ARHGAP22: variants seen among roughly 807,000 people sequenced by gnomAD.
The protein encoded by ARHGAP22 is Rho GTPase activating protein 22.
ARHGAP22 carries 48 observed loss-of-function variants against 59.1 expected under a neutral mutation model. That is an observed-to-expected ratio of 0.81 (90% CI 0.64 to 1.03). ARHGAP22 has a LOEUF of 1.03. ARHGAP22 is among the 50% of genes least tolerant of loss of function. ARHGAP22 has a pLI of 0.00. For missense variants in ARHGAP22, 1,015 were observed against 958.7 expected, an observed-to-expected ratio of 1.06 and a Z score of -0.78; for synonymous variants, 445 against 416.4, an observed-to-expected ratio of 1.07 and a Z score of -0.84.
At chr10:48,583,296 T>G (rs985523267) in intron 1 of ARHGAP22, 144 bp from the exon 2 acceptor site, 1 of 956,516 alleles carries the variant, frequency 1.0e-6, no homozygotes, top group Non-Finnish European at 1.5e-6. Context: ...CTACTTCCCC[T>G]TGGCATTGAA....
chr10:48,619,115 T>C (rs2061194891), intron 1 of ARHGAP22, among the ~76,000 whole-genome samples: 1 of 151,884 alleles, frequency 6.6e-6, no homozygotes, highest in Admixed American at 6.6e-5. Flanking sequence ...TACAAAAAAA[T>C]ACCCAGGAAT....
intron 1 of ARHGAP22, among the ~76,000 whole-genome samples, chr10:48,585,358 C>T (rs963540330): frequency 6.6e-6 from 1 of 152,162 alleles, no homozygotes. Flanking sequence ...TTCACGGCCT[C>T]CATACTAACA....
At chr10:48,554,115 G>A (rs1277478432) in intron 3 of ARHGAP22, among the ~76,000 whole-genome samples, 1 of 152,198 alleles carries the variant, frequency 6.6e-6, no homozygotes, top group Non-Finnish European at 1.5e-5. Context: ...TCTTGCATTA[G>A]ATGAAAAGGA....
chr10:48,434,161 A>G, the ARHGAP22 span, among the ~76,000 whole-genome samples: 1 of 152,170 alleles, frequency 6.6e-6, no homozygotes. Flanking sequence ...ACTTTCGGCA[A>G]AGGAAACTGT....
chr10:48,620,282 G>GT (rs56116464), intron 1 of ARHGAP22, among the ~76,000 whole-genome samples: 151,471 of 151,778 alleles, frequency 1, 75,582 homozygotes, highest in Middle Eastern at 1. Context: ...TTTTTTTAAA[G>GT]TTGGACAGTT....
intron 2 of ARHGAP22, among the ~76,000 whole-genome samples, chr10:48,556,012 T>C (rs1372004464): frequency 6.6e-6 from 1 of 152,148 alleles, no homozygotes; most frequent in African/African-American, 2.4e-5. Flanking sequence ...TTCATTTCTT[T>C]ACCAATGAGA....
chr10:48,509,446 A>C (rs1421295924), intron 3 of ARHGAP22, among the ~76,000 whole-genome samples: 1 of 152,248 alleles, frequency 6.6e-6, no homozygotes, highest in Admixed American at 6.5e-5. Flanking sequence ...TCCATGAATG[A>C]CACTGTTGTG....
intron 5 of ARHGAP22, among the ~76,000 whole-genome samples, chr10:48,459,200 T>TG (rs1159014096): frequency 7.0e-6 from 1 of 142,480 alleles, no homozygotes; most frequent in East Asian, 2.1e-4. Flanking sequence ...AGGATGGACA[T>TG]GGCCCCGGCC....
chr10:48,507,882 T>C (rs1183436335), intron 3 of ARHGAP22, among the ~76,000 whole-genome samples: 1 of 87,316 alleles, frequency 1.1e-5, no homozygotes, highest in Non-Finnish European at 2.1e-5. Context: ...CGTGAGCAAC[T>C]GAGGCTCGGA....
At chr10:48,458,653 G>T (rs966380735) in intron 5 of ARHGAP22, among the ~76,000 whole-genome samples, 4 of 152,192 alleles carry the variant, frequency 2.6e-5, no homozygotes, top group Admixed American at 2.0e-4. Context: ...CCTTACCCAG[G>T]TGACATTATT....
chr10:48,569,994 C>G (rs1266528982), intron 2 of ARHGAP22, among the ~76,000 whole-genome samples: 1 of 152,194 alleles, frequency 6.6e-6, no homozygotes, highest in Non-Finnish European at 1.5e-5. Context: ...TGGTATAAAA[C>G]AAACCTTAAA....
chr10:48,510,804 C>T (rs972811932), intron 3 of ARHGAP22: 4 of 152,194 alleles, frequency 2.6e-5, no homozygotes, highest in Non-Finnish European at 5.9e-5. Context: ...CTAGCTGGCC[C>T]GCTGACATGC....
chr10:48,644,388 C>T (rs536251220), intron 1 of ARHGAP22, among the ~76,000 whole-genome samples: 2 of 152,272 alleles, frequency 1.3e-5, no homozygotes, highest in South Asian at 4.1e-4. Flanking sequence ...GACAGAATAT[C>T]AGCAACTATA....
At chr10:48,566,710 C>T (rs1213579484) in intron 2 of ARHGAP22, among the ~76,000 whole-genome samples, 1 of 152,190 alleles carries the variant, frequency 6.6e-6, no homozygotes, top group Non-Finnish European at 1.5e-5. Flanking sequence ...TGAGGCTATC[C>T]ATGGTCCTCT....
At chr10:48,603,913 CA>C (rs2060530806) in intron 1 of ARHGAP22, among the ~76,000 whole-genome samples, 1 of 152,230 alleles carries the variant, frequency 6.6e-6, no homozygotes, top group South Asian at 2.1e-4. Flanking sequence ...AGCTCCCAGG[CA>C]AATGCTCCAT....
intron 3 of ARHGAP22, among the ~76,000 whole-genome samples, chr10:48,551,703 G>A (rs1345117621): frequency 6.6e-6 from 1 of 152,226 alleles, no homozygotes; most frequent in Non-Finnish European, 1.5e-5. Context: ...GAGGACAGAA[G>A]TCCCACTGGC....
At chr10:48,629,775 T>C (rs1295480805) in intron 1 of ARHGAP22, among the ~76,000 whole-genome samples, 1 of 152,246 alleles carries the variant, frequency 6.6e-6, no homozygotes, top group Non-Finnish European at 1.5e-5. Context: ...TGAATCTATA[T>C]AGATCAATTT....
In ARHGAP22 at chr10:48,524,831, C is replaced by A. The variant is rs545061892; in HGVS notation, c.322+30632G>T. ...ACCTGAAAAGTGAGGAAAATGATAC[C>A]GGTTCAGATGCTACTTAGCACAAAT... is the stretch of plus-strand genomic sequence containing the variant. On this transcript the variant is annotated intron_variant, in intron 3 of 9. Transcript: ENST00000249601. Among the ~76,000 whole-genome samples, 6 of 152,214 alleles carry A rather than the reference C, an allele frequency of 3.9e-5. No individual in the cohort carries two copies. The South Asian group carries it at 1.0e-3, about 26-fold the overall frequency.
chr10:48,578,949 T>C (rs2058937507), intron 2 of ARHGAP22, among the ~76,000 whole-genome samples: 1 of 152,136 alleles, frequency 6.6e-6, no homozygotes, highest in African/African-American at 2.4e-5. Context: ...TTTTGTTTAT[T>C]CCTCTCTCTT....
Sources: allele counts gnomAD v4.1 joint callset (sites outside exome capture counted in the v4.1 genomes callset), GRCh38; gene constraint gnomAD v4.1.1; transcripts MANE v1.5; gene names NCBI Gene and HGNC (gene_info 2026-07-23, HGNC 2026-07-21).